Variants in GPC5 observed in about 807,000 individuals in gnomAD.
The protein encoded by GPC5 is glypican-5.
Under a neutral mutation model 53.9 loss-of-function variants are expected in GPC5, and 47 were observed. The observed-to-expected ratio is 0.87, with a 90% CI of 0.69 to 1.11. The LOEUF is 1.11. Ranked by LOEUF, GPC5 falls within the 50% of genes most tolerant of loss-of-function variation. GPC5 has a pLI of 0.00. For synonymous variants in GPC5, 286 were observed against 263.3 expected, an observed-to-expected ratio of 1.09 and a Z score of -0.84; for missense variants, 748 against 713.1, an observed-to-expected ratio of 1.05 and a Z score of -0.56.
chr13:92,703,392 A>C (rs1169465710), intron 7 of GPC5, among the ~76,000 whole-genome samples: 1 of 151,608 alleles, frequency 6.6e-6, no homozygotes, highest in East Asian at 1.9e-4. Flanking sequence ...AGAAATAATT[A>C]TATAAGTACT....
intron 7 of GPC5, among the ~76,000 whole-genome samples, chr13:92,693,494 T>C (rs1360843079): frequency 1.3e-5 from 2 of 152,166 alleles, no homozygotes; most frequent in Non-Finnish European, 2.9e-5. Context: ...TAAAGGTCAC[T>C]CTTGCTATGC....
chr13:92,551,518 A>G (rs536260800), intron 7 of GPC5, among the ~76,000 whole-genome samples: 3 of 151,878 alleles, frequency 2.0e-5, no homozygotes, highest in Non-Finnish European at 2.9e-5. Flanking sequence ...ACTTGCACAT[A>G]GGAATATAAT....
At chr13:92,649,866 T>G (rs1342419341) in intron 7 of GPC5, among the ~76,000 whole-genome samples, 1 of 152,190 alleles carries the variant, frequency 6.6e-6, no homozygotes, top group African/African-American at 2.4e-5. Context: ...TTTATGATTA[T>G]TGTCTTTAAT....
chr13:92,820,457 T>A (rs1345234091), intron 7 of GPC5, among the ~76,000 whole-genome samples: 1 of 152,142 alleles, frequency 6.6e-6, no homozygotes, highest in Non-Finnish European at 1.5e-5. Flanking sequence ...GAAACCCCAT[T>A]CTTCATTCCT....
intron 6 of GPC5, among the ~76,000 whole-genome samples, chr13:92,010,347 G>A (rs2138772843): frequency 6.6e-6 from 1 of 152,192 alleles, no homozygotes; most frequent in East Asian, 1.9e-4. Context: ...CTAATATGTA[G>A]GACAGTAAAT....
intron 2 of GPC5, among the ~76,000 whole-genome samples, chr13:91,604,587 T>G (rs1433979095): frequency 1.4e-5 from 2 of 141,136 alleles, no homozygotes; most frequent in Non-Finnish European, 3.1e-5. Context: ...AAAGTGTTCC[T>G]ATTTCTCCAC....
chr13:92,492,094 C>T (rs1212980638), intron 7 of GPC5, among the ~76,000 whole-genome samples: 1 of 152,058 alleles, frequency 6.6e-6, no homozygotes, highest in African/African-American at 2.4e-5. Flanking sequence ...TTCATTTTAT[C>T]ATTCTTGTGC....
Position 92,736,179 on chromosome 13 carries a change from A to T in GPC5, c.1562-130103A>T, listed in dbSNP as rs144588354. Among the ~76,000 whole-genome samples, 11 of 152,126 alleles carry T rather than the reference A, an allele frequency of 7.2e-5. No homozygotes were observed. The East Asian group carries it at 1.8e-3, about 24-fold the overall frequency. On this transcript the variant is annotated intron_variant, in intron 7 of 7. Transcript: ENST00000377067. ...TTATGTCTTTGTTTACTTCTATGCT[A>T]CCACTCTAAAGAAGCCACCATCAAT...
intron 7 of GPC5, among the ~76,000 whole-genome samples, chr13:92,307,057 T>C (rs1253098978): frequency 6.6e-6 from 1 of 152,214 alleles, no homozygotes; most frequent in Non-Finnish European, 1.5e-5. Context: ...AATGAAAGAT[T>C]CACAGGATAT....
At position 92,754,700 on chromosome 13, in the gene GPC5, T is replaced by C. The variant is rs373272579; in HGVS notation, c.1562-111582T>C. ...CAATCCTAGTCTCTGATAAAACAGATTTTAAACCAACAAAGATCAAAAGAG... is the reference window on the plus strand; with the variant it reads ...CAATCCTAGTCTCTGATAAAACAGACTTTAAACCAACAAAGATCAAAAGAG... On this transcript the variant is annotated intron_variant, in intron 7 of 7. Transcript: ENST00000377067. Among the ~76,000 whole-genome samples, 23 of 151,368 alleles carry C rather than the reference T, an allele frequency of 1.5e-4. 1 individual carries two copies. Among genetic ancestry groups the C allele is most frequent in the Non-Finnish European group, 2.4e-4 (16 of 67,900 alleles).
intron 7 of GPC5, among the ~76,000 whole-genome samples, chr13:92,205,642 G>A (rs1185982313): frequency 6.6e-6 from 1 of 152,182 alleles, no homozygotes; most frequent in African/African-American, 2.4e-5. Flanking sequence ...CATCACATTT[G>A]TCTAGACATT....
intron 2 of GPC5, among the ~76,000 whole-genome samples, chr13:91,478,557 C>G (rs1231654516): frequency 6.6e-6 from 1 of 151,124 alleles, no homozygotes; most frequent in Non-Finnish European, 1.5e-5. Context: ...TTGAAATTTG[C>G]TTTTAAATAT....
chr13:92,136,877 A>G (rs570913238), intron 6 of GPC5, among the ~76,000 whole-genome samples: 149 of 152,336 alleles, frequency 9.8e-4, no homozygotes, highest in African/African-American at 3.5e-3. Context: ...AAAGAAGTAC[A>G]TTTGCTTAAG....
intron 7 of GPC5, among the ~76,000 whole-genome samples, chr13:92,284,116 T>C (rs1343672959): frequency 1.3e-5 from 2 of 152,136 alleles, no homozygotes; most frequent in African/African-American, 4.8e-5. Flanking sequence ...AACACCTCTA[T>C]GCAAATAAAC....
intron 1 of GPC5, among the ~76,000 whole-genome samples, chr13:91,443,260 A>G (rs1254275276): frequency 6.6e-6 from 1 of 152,182 alleles, no homozygotes; most frequent in East Asian, 1.9e-4. Context: ...TGAGGCCACA[A>G]GGGTAGGACC....
chr13:92,589,354 A>T (rs759735632), intron 7 of GPC5, among the ~76,000 whole-genome samples: 1 of 152,168 alleles, frequency 6.6e-6, no homozygotes, highest in Non-Finnish European at 1.5e-5. Context: ...ATTTACTCAT[A>T]GTGCTGCGAT....
intron 7 of GPC5, among the ~76,000 whole-genome samples, chr13:92,865,285 C>T (rs983951229): frequency 1.3e-5 from 2 of 152,048 alleles, no homozygotes; most frequent in Non-Finnish European, 2.9e-5. Context: ...TCCAGTCCAC[C>T]CATTAACAAC....
chr13:91,691,844 T>C (rs1428127925), intron 2 of GPC5, among the ~76,000 whole-genome samples: 1 of 152,212 alleles, frequency 6.6e-6, no homozygotes, highest in African/African-American at 2.4e-5. Flanking sequence ...AAACAGTGTT[T>C]AGATTACTAA....
intron 7 of GPC5, among the ~76,000 whole-genome samples, chr13:92,421,630 A>C (rs934979045): frequency 2.9e-5 from 4 of 138,274 alleles, no homozygotes; most frequent in South Asian, 4.8e-4. Flanking sequence ...ACCCTGGAGG[A>C]GGAGCTTGCA....
Sources: allele counts gnomAD v4.1 joint callset (sites outside exome capture counted in the v4.1 genomes callset), GRCh38; gene constraint gnomAD v4.1.1; transcripts MANE v1.5; gene names NCBI Gene and HGNC (gene_info 2026-07-23, HGNC 2026-07-21).